Variants in ZDHHC14 observed in about 807,000 individuals in gnomAD.
ZDHHC14 encodes the protein palmitoyltransferase ZDHHC14.
In ZDHHC14, 16 loss-of-function variants were observed where a neutral mutation model predicts 47.7. The observed-to-expected ratio is 0.34, with a 90% CI of 0.23 to 0.51. The LOEUF (loss-of-function observed/expected upper bound fraction) is 0.51, where lower values mean the gene tolerates loss of function less well. ZDHHC14 is among the 20% of genes least tolerant of loss of function. ZDHHC14 has a pLI of 0.97. For missense variants in ZDHHC14, 515 were observed against 662.5 expected, an observed-to-expected ratio of 0.78 and a Z score of 2.44; for synonymous variants, 293 against 278.9, an observed-to-expected ratio of 1.05 and a Z score of -0.50.
In ZDHHC14 at chr6:157,592,851, T is replaced by C. The variant is rs1445526534; in HGVS notation, c.407-137T>C. On this transcript the variant is annotated intron_variant, in intron 2 of 8. Coordinates refer to ENST00000359775, the MANE Select transcript of ZDHHC14 (RefSeq NM_024630.3). Reference sequence around the variant, plus strand: ...GAGGGTGAGTCCCAGAGCCCCAGCCTGGGTAAACCGTGGGCACCGGGGGCC... The same window carrying C: ...GAGGGTGAGTCCCAGAGCCCCAGCCCGGGTAAACCGTGGGCACCGGGGGCC... 3 of 1,477,710 alleles carry C rather than the reference T, an allele frequency of 2.0e-6. No individual in the cohort carries two copies. The African/African-American group carries it at 4.3e-5, about 21-fold the overall frequency. The allele number at this position is 1,477,710 out of a possible 1,614,324, so 91.5% of individuals were successfully genotyped here.
chr6:157,482,700 G>A (rs1048240394), intron 1 of ZDHHC14, among the ~76,000 whole-genome samples: 6 of 151,710 alleles, frequency 4.0e-5, no homozygotes, highest in African/African-American at 7.3e-5. Context: ...CTGTCTTCTC[G>A]AGTCTGAATT....
intron 1 of ZDHHC14, among the ~76,000 whole-genome samples, chr6:157,399,001 A>AT (rs1246068118): frequency 3.3e-5 from 5 of 152,230 alleles, no homozygotes; most frequent in African/African-American, 1.2e-4. Context: ...GATCAAAATA[A>AT]TTAAGACGTT....
rs942597754 is a variant in ZDHHC14 at position 157,676,421 on chromosome 6, C to G, written c.*3299C>G. On this transcript the variant is annotated 3_prime_UTR_variant, in exon 9 of 9. Transcript: ENST00000359775. Reference sequence around the variant, plus strand: ...TCTTTGCAGAGTTCCACGCCACCCCCCAGCTTACTGCGGCCTTCACCGGCT... The same window carrying G: ...TCTTTGCAGAGTTCCACGCCACCCCGCAGCTTACTGCGGCCTTCACCGGCT... The G allele has an allele frequency of 2.0e-5, 3 of 152,522 alleles. No homozygotes were observed. The highest frequency in any genetic ancestry group is 4.4e-5 in the Non-Finnish European group (3 of 68,224). 9.4% of individuals were successfully genotyped at this position (152,522 alleles called of 1,614,324 possible).
intron 1 of ZDHHC14, among the ~76,000 whole-genome samples, chr6:157,438,405 A>G (rs1024786447): frequency 6.6e-6 from 1 of 152,260 alleles, no homozygotes; most frequent in African/African-American, 2.4e-5. Flanking sequence ...TAAGGTTAAA[A>G]TCTGGACTTT....
intron 1 of ZDHHC14, among the ~76,000 whole-genome samples, chr6:157,517,597 C>T (rs1293914683): frequency 6.6e-6 from 1 of 152,150 alleles, no homozygotes; most frequent in Non-Finnish European, 1.5e-5. Context: ...AGGCTTGAGC[C>T]ACCGCGCCTG....
intron 5 of ZDHHC14, among the ~76,000 whole-genome samples, chr6:157,636,383 C>G (rs937517911): frequency 6.6e-6 from 1 of 151,508 alleles, no homozygotes; most frequent in Non-Finnish European, 1.5e-5. Flanking sequence ...ATCTGTATGT[C>G]TATCAGTAAG....
intron 3 of ZDHHC14, among the ~76,000 whole-genome samples, chr6:157,609,762 G>C (rs951023663): frequency 1.3e-5 from 2 of 152,150 alleles, no homozygotes; most frequent in Non-Finnish European, 2.9e-5. Context: ...CAGGAGAGCC[G>C]GTGGACAGCA....
intron 2 of ZDHHC14, among the ~76,000 whole-genome samples, chr6:157,548,104 C>CA (rs559113398): frequency 0.017 from 2,428 of 143,560 alleles, 63 homozygotes; most frequent in African/African-American, 0.056. Flanking sequence ...CACCCCTCCC[C>CA]AAAAAAAAAA....
chr6:157,646,997 T>C (rs761515946), intron 6 of ZDHHC14, among the ~76,000 whole-genome samples: 22 of 152,230 alleles, frequency 1.4e-4, no homozygotes, highest in Non-Finnish European at 2.4e-4. Context: ...TCTGCTGGCT[T>C]ATATGAGATG....
Position 157,582,530 on chromosome 6 carries a change from CT to C in ZDHHC14, c.407-10454del, listed in dbSNP as rs201190417. 0.026 allele frequency among the ~76,000 whole-genome samples: 3,925 copies of C among 152,278 alleles called. 173 individuals carry two copies. Among genetic ancestry groups the C allele is most frequent in the African/African-American group, 0.089 (3,717 of 41,536 alleles). On this transcript the variant is annotated intron_variant, in intron 2 of 8. Coordinates refer to ENST00000359775, the MANE Select transcript of ZDHHC14 (RefSeq NM_024630.3). The surrounding 1 kb of genome is among the most constrained non-coding windows in gnomAD (Gnocchi z 4.3). ...GATATGAAATTCTTGGTTGGAAATT[CT>C]TTTCTTTAAGAATGCTGAATATAGC...
At position 157,503,910 on chromosome 6, in the gene ZDHHC14, A is replaced by G. The variant is rs184029376; in HGVS notation, c.246-38675A>G. On this transcript the variant is annotated intron_variant, in intron 1 of 8. Transcript: ENST00000359775. ...TTGGTGCCACCACTTTGGATAAAAA[A>G]TTGGTATTATCTTATAAAGCAGAAT... Among the ~76,000 whole-genome samples the G allele has an allele frequency of 2.6e-5, 4 of 152,312 alleles. No individual in the cohort carries two copies. The East Asian group carries it at 7.7e-4, about 29-fold the overall frequency.
At chr6:157,460,850 C>T (rs936840615) in intron 1 of ZDHHC14, among the ~76,000 whole-genome samples, 2 of 152,136 alleles carry the variant, frequency 1.3e-5, no homozygotes, top group African/African-American at 2.4e-5. Context: ...GGGTGCAGGC[C>T]GATGTGGGCC....
intron 1 of ZDHHC14, among the ~76,000 whole-genome samples, chr6:157,435,683 G>T (rs1462650492): frequency 6.6e-6 from 1 of 152,122 alleles, no homozygotes. Flanking sequence ...GAGTCTACAA[G>T]TGTGTGCCCC....
chr6:157,635,375 T>C (rs887448593), intron 5 of ZDHHC14, among the ~76,000 whole-genome samples: 4 of 152,340 alleles, frequency 2.6e-5, no homozygotes, highest in Admixed American at 2.6e-4. Context: ...GGGCTGTTAT[T>C]AGAGACCAAG....
At chr6:157,581,069 C>T (rs1049588820) in intron 2 of ZDHHC14, among the ~76,000 whole-genome samples, 7 of 151,992 alleles carry the variant, frequency 4.6e-5, no homozygotes, top group East Asian at 1.9e-4. Flanking sequence ...GTGCTATAAA[C>T]TTCCATCTGA....
intron 1 of ZDHHC14, among the ~76,000 whole-genome samples, chr6:157,468,002 T>C (rs771261612): frequency 6.6e-6 from 1 of 152,214 alleles, no homozygotes; most frequent in South Asian, 2.1e-4. Context: ...TATGTAGCAC[T>C]TTAGGCATAA....
chr6:157,671,477 C>T (rs2115016442), intron 8 of ZDHHC14, among the ~76,000 whole-genome samples: 1 of 152,322 alleles, frequency 6.6e-6, no homozygotes, highest in East Asian at 1.9e-4. Context: ...AACACTGCTC[C>T]TGAATCTCAC....
chr6:157,453,696 C>T (rs1778851315), intron 1 of ZDHHC14, among the ~76,000 whole-genome samples: 1 of 152,140 alleles, frequency 6.6e-6, no homozygotes, highest in South Asian at 2.1e-4. Context: ...GGAGGTGCAG[C>T]ATCTTTCCTT....
In ZDHHC14 at chr6:157,636,104, C is replaced by T. The variant is rs947224693; in HGVS notation, c.752+3222C>T. On this transcript the variant is annotated intron_variant, in intron 5 of 8. Transcript: ENST00000359775. ...TAAAAACCCAGACGCAGGCCACACC[C>T]GCACCTCCAGCCAAGGCCTTCCAAA... Among the ~76,000 whole-genome samples the T allele has an allele frequency of 5.3e-5, 8 of 152,100 alleles. No homozygotes were observed. The East Asian group carries it at 5.8e-4, about 11-fold the overall frequency.
Sources: gnomAD v4.1 joint callset for allele counts (sites outside exome capture counted in the v4.1 genomes callset) on GRCh38, gnomAD v4.1.1 for gene constraint, Gnocchi (gnomAD v3.1) non-coding constraint, MANE v1.5 for transcripts, NCBI Gene and HGNC (gene_info 2026-07-23, HGNC 2026-07-21) for gene names.